EFCAB6: variants seen among roughly 807,000 people sequenced by gnomAD.
The protein encoded by EFCAB6 is EF-hand calcium binding domain 6, also known as EF-hand calcium-binding domain-containing protein 6.
Under a neutral mutation model 169.8 loss-of-function variants are expected in EFCAB6, and 156 were observed. The ratio of observed to expected loss-of-function variants is 0.92; its 90% CI spans 0.81 to 1.05. The LOEUF (loss-of-function observed/expected upper bound fraction) is 1.05, where lower values mean the gene tolerates loss of function less well. Among genes scored for constraint, EFCAB6 ranks in the 50% least tolerant of loss-of-function variants. The pLI, the probability that EFCAB6 is intolerant of heterozygous loss-of-function variation, is 0.00. For synonymous variants in EFCAB6, 698 were observed against 676.4 expected, an observed-to-expected ratio of 1.03 and a Z score of -0.50; for missense variants, 1,800 against 1,829.1, an observed-to-expected ratio of 0.98 and a Z score of 0.29.
At chr22:43,534,034 C>T (rs1011920439) in intron 30 of EFCAB6, among the ~76,000 whole-genome samples, 2 of 152,204 alleles carry the variant, frequency 1.3e-5, no homozygotes, top group African/African-American at 4.8e-5. Flanking sequence ...GGGTGGATTG[C>T]TTGAGCCCAG....
chr22:43,726,276 CAAAAAAAA>C (rs3994547), intron 8 of EFCAB6, among the ~76,000 whole-genome samples: 6 of 59,356 alleles, frequency 1.0e-4, no homozygotes, highest in African/African-American at 3.7e-4. Context: ...AAAAATTCAC[CAAAAAAAA>C]AAAAAAAAAA....
intron 6 of EFCAB6, among the ~76,000 whole-genome samples, chr22:43,736,752 T>C (rs1299749071): frequency 3.3e-5 from 5 of 152,078 alleles, no homozygotes. Flanking sequence ...ATGGAAGCCT[T>C]TCAACCCCTC....
At chr22:43,716,725 G>T in intron 9 of EFCAB6, 123 bp downstream of exon 9, 1 of 1,207,908 alleles carries the variant, frequency 8.3e-7, no homozygotes, top group Non-Finnish European at 1.1e-6. Flanking sequence ...TCTCAGTATT[G>T]GAGAAGACAT....
intron 4 of EFCAB6, among the ~76,000 whole-genome samples, chr22:43,772,492 G>A (rs888246197): frequency 2.6e-5 from 4 of 151,874 alleles, no homozygotes; most frequent in African/African-American, 9.7e-5. Flanking sequence ...TACAAAATTA[G>A]CCAGGCATCA....
Position 43,784,662 on chromosome 22 carries a change from T to C in EFCAB6, c.-7-2337A>G, listed in dbSNP as rs567303675. 7.6e-4 allele frequency among the ~76,000 whole-genome samples: 64 copies of C among 84,608 alleles called. 3 individuals are homozygous for C. The highest frequency in any genetic ancestry group is 1.1e-3 in the Non-Finnish European group (50 of 44,784). The allele number at this position is 84,608 out of a possible 152,430, so 55.5% of individuals were successfully genotyped here. A position where few individuals can be genotyped will look rare whatever the true frequency, so the allele number is the denominator to read the frequency against. Reference sequence around the variant, plus strand: ...ATGTACACATATATATGTGTATATATACATATACATATATACACACACACA... The same window carrying C: ...ATGTACACATATATATGTGTATATACACATATACATATATACACACACACA... On this transcript the variant is annotated intron_variant, in intron 2 of 31. Coordinates refer to ENST00000262726, the MANE Select transcript of EFCAB6 (RefSeq NM_022785.4).
intron 17 of EFCAB6, among the ~76,000 whole-genome samples, chr22:43,644,480 C>A (rs1191951557): frequency 2.0e-5 from 3 of 152,192 alleles, no homozygotes; most frequent in Non-Finnish European, 4.4e-5. Context: ...ATTTCTAGTT[C>A]CTAGGCTAAA....
At chr22:43,555,354 C>G (rs572150340) in intron 26 of EFCAB6, among the ~76,000 whole-genome samples, 1 of 152,190 alleles carries the variant, frequency 6.6e-6, no homozygotes, top group Admixed American at 6.5e-5. Flanking sequence ...GAAGGCTGGG[C>G]GGCCAGCACA....
At chr22:43,745,993 C>T (rs1333245881) in intron 6 of EFCAB6, among the ~76,000 whole-genome samples, 1 of 152,226 alleles carries the variant, frequency 6.6e-6, no homozygotes, top group African/African-American at 2.4e-5. Context: ...TCTGTTTACA[C>T]TCTGCAGAGT....
chr22:43,574,371 C>T (rs759015790), intron 26 of EFCAB6, among the ~76,000 whole-genome samples: 6 of 152,160 alleles, frequency 3.9e-5, no homozygotes, highest in East Asian at 1.9e-4. Context: ...GCTCTGAAGC[C>T]GAACCCTCCG....
chr22:43,650,895 G>A (rs917371904), intron 17 of EFCAB6, among the ~76,000 whole-genome samples: 1 of 152,144 alleles, frequency 6.6e-6, no homozygotes, highest in Admixed American at 6.5e-5. Flanking sequence ...ATGATTTAGG[G>A]TATCTGGCAG....
At chr22:43,641,866 G>C (rs2055828466) in intron 17 of EFCAB6, among the ~76,000 whole-genome samples, 1 of 152,178 alleles carries the variant, frequency 6.6e-6, no homozygotes, top group South Asian at 2.1e-4. Context: ...GGAGCCAAGG[G>C]AGAGATTCCT....
intron 27 of EFCAB6, among the ~76,000 whole-genome samples, chr22:43,541,114 G>A (rs2047690772): frequency 6.6e-6 from 1 of 152,214 alleles, no homozygotes; most frequent in Non-Finnish European, 1.5e-5. Flanking sequence ...CTCCAACACA[G>A]CTGATGGAGA....
chr22:43,799,700 C>T (rs2062635038), intron 2 of EFCAB6, among the ~76,000 whole-genome samples: 1 of 152,202 alleles, frequency 6.6e-6, no homozygotes, highest in Non-Finnish European at 1.5e-5. Flanking sequence ...TGGCTTCACT[C>T]TCACCTGAAA....
At chr22:43,544,336 G>A (rs766901780) in intron 27 of EFCAB6, among the ~76,000 whole-genome samples, 9 of 151,990 alleles carry the variant, frequency 5.9e-5, no homozygotes, top group Non-Finnish European at 1.0e-4. Flanking sequence ...AGGAAGTCTC[G>A]GCTCCTATCC....
chr22:43,716,888 T>C lies in EFCAB6; in HGVS notation c.842A>G (p.Asn281Ser). The C allele has an allele frequency of 1.2e-6, 2 of 1,603,472 alleles. No homozygotes were observed. The highest frequency in any genetic ancestry group is 1.7e-4 in the Middle Eastern group (1 of 6,044). Residue 281 changes from asparagine (N) to serine (S), a missense_variant, in exon 9 of 32, where the codon AAC (asparagine) becomes AGC (serine). Asn to Ser is a conservative substitution (Grantham distance 46, BLOSUM62 1). Coordinates refer to ENST00000262726, the MANE Select transcript of EFCAB6 (RefSeq NM_022785.4). ...CCTCTCAATTTCATCCAAGGAGTAG[T>C]TTCTCCAGATATCTTCAGATGATGC... Reference protein sequence around the residue: ...GSASSEDIWRNYSLDEIERNF... With the variant: ...GSASSEDIWRSYSLDEIERNF...
chr22:43,586,324 T>C (rs2051060414), intron 24 of EFCAB6, among the ~76,000 whole-genome samples: 1 of 141,958 alleles, frequency 7.0e-6, no homozygotes, highest in Non-Finnish European at 1.5e-5. Context: ...TACTGTAAAC[T>C]CTTGAGCAAC....
At chr22:43,774,631 T>C (rs1228858694) in intron 3 of EFCAB6, among the ~76,000 whole-genome samples, 1 of 151,528 alleles carries the variant, frequency 6.6e-6, no homozygotes, top group African/African-American at 2.4e-5. Flanking sequence ...ATTAGGTGTC[T>C]GCAGGGAGCA....
At chr22:43,553,760 T>G (rs58209988) in intron 27 of EFCAB6, 5,250 of 152,430 alleles carry the variant, frequency 0.034, 105 homozygotes, top group Non-Finnish European at 0.039. Context: ...TGGAAGGCCA[T>G]GAAGGGCCAT....
intron 10 of EFCAB6, among the ~76,000 whole-genome samples, chr22:43,697,828 A>G (rs920418436): frequency 1.3e-5 from 2 of 152,132 alleles, no homozygotes; most frequent in African/African-American, 4.8e-5. Flanking sequence ...ACGTACAGAG[A>G]GGGCAGAAGA....
Sources: gnomAD v4.1 joint callset for allele counts (sites outside exome capture counted in the v4.1 genomes callset) on GRCh38, gnomAD v4.1.1 for gene constraint, MANE v1.5 for transcripts, NCBI Gene and HGNC (gene_info 2026-07-23, HGNC 2026-07-21) for gene names.